The following EFCAB13 variants were observed in gnomAD, a reference collection of about 807,000 sequenced individuals.
EFCAB13 encodes EF-hand calcium binding domain 13.
EFCAB13 carries 91 observed loss-of-function variants against 110.2 expected under a neutral mutation model. The ratio of observed to expected loss-of-function variants is 0.83; its 90% CI spans 0.70 to 0.98. The LOEUF (loss-of-function observed/expected upper bound fraction) is 0.98. Among genes scored for constraint, EFCAB13 ranks in the 50% least tolerant of loss-of-function variants. The pLI, the probability that EFCAB13 is intolerant of heterozygous loss-of-function variation, is 0.00. For synonymous variants in EFCAB13, 323 were observed against 369.9 expected, an observed-to-expected ratio of 0.87 and a Z score of 1.45; for missense variants, 968 against 1,119.4, an observed-to-expected ratio of 0.86 and a Z score of 1.93.
Position 47,406,282 on chromosome 17 carries a change from T to C in EFCAB13, c.2233+1649T>C, listed in dbSNP as rs917768044. Among the ~76,000 whole-genome samples the C allele has an allele frequency of 2.0e-5, 3 of 152,166 alleles. No homozygotes were observed. In the East Asian group the frequency reaches 5.8e-4, roughly 29 times the overall value. ...GCACACCACCATGCCTGGCTAATTT[T>C]TGTATTTTTAGTAGAGACAGTGTTT... On this transcript the variant is annotated intron_variant, in intron 20 of 24. Coordinates refer to ENST00000331493, the MANE Select transcript of EFCAB13 (RefSeq NM_152347.5).
rs372478165 is a variant in EFCAB13, at chr17:47,345,096, G to A, written c.515G>A (p.Ser172Asn). ...GGATATTTACACTCAAAAGAATTAA[G>A]TGGTAATAAGAGGTTCTAAAATTTC... is the stretch of plus-strand genomic sequence containing the variant. ...THGYLHSKEL[S>N]ALHKACKIFS... is the part of the protein sequence containing the mutation. The change falls in exon 8 of 25, where the codon AGT becomes AAT. Residue 172 changes from serine to asparagine, a missense_variant and splice_region_variant. Ser to Asn is a conservative substitution (Grantham distance 46). Coordinates refer to ENST00000331493, the MANE Select transcript of EFCAB13 (RefSeq NM_152347.5). 3.8e-5 allele frequency: 61 copies of A among 1,589,354 alleles called. No individual in the cohort carries two copies. The highest frequency in any genetic ancestry group is 1.1e-4 in the African/African-American group (8 of 73,692).
Position 47,379,220 on chromosome 17 carries a change from C to T in EFCAB13, c.1549C>T (p.Leu517Phe). 2 of 1,613,448 alleles carry T rather than the reference C, an allele frequency of 1.2e-6. No homozygotes were observed. Among genetic ancestry groups the T allele is most frequent in the Non-Finnish European group, 1.7e-6 (2 of 1,179,592 alleles). ...GGAGTTAGATGACTTTGTAAATGCT[C>T]TCGCCAAGGAGCGAAGTTTTCCTGA... is the stretch of plus-strand genomic sequence containing the variant. ...MVELDDFVNA[L>F]AKERSFPECN... is the part of the protein sequence containing the mutation. The change falls in exon 14 of 25, where the codon CTC (leucine) becomes TTC (phenylalanine). Residue 517 changes from leucine (L) to phenylalanine (F), a missense_variant. Physicochemically the swap from Leu to Phe is conservative, Grantham distance 22 (BLOSUM62 0). Transcript: ENST00000331493.
intron 9 of EFCAB13, among the ~76,000 whole-genome samples, chr17:47,348,585 A>G (rs539798537): frequency 4.0e-5 from 6 of 151,872 alleles, no homozygotes; most frequent in Non-Finnish European, 5.9e-5. Context: ...CTTTTTTTGT[A>G]TGCTCTTGCT....
intron 9 of EFCAB13, among the ~76,000 whole-genome samples, chr17:47,361,051 A>G (rs72825656): frequency 0.088 from 13,369 of 152,220 alleles, 845 homozygotes; most frequent in East Asian, 0.35. Flanking sequence ...CTGACATTCA[A>G]AAGTAGATGT....
At chr17:47,423,576 T>G (rs1904804330) in intron 23 of EFCAB13, 1 of 325,598 alleles carries the variant, frequency 3.1e-6, no homozygotes, top group Non-Finnish European at 5.6e-6. Flanking sequence ...GGAACGCCTT[T>G]GTGCCCGGTC....
chr17:47,388,555 G>C (rs1207425352), intron 14 of EFCAB13, among the ~76,000 whole-genome samples: 2 of 152,048 alleles, frequency 1.3e-5, no homozygotes, highest in African/African-American at 2.4e-5. Flanking sequence ...TGGTTTCTAA[G>C]GTTAATTTAT....
Position 47,384,153 on chromosome 17 carries a change from T to TG in EFCAB13, c.1582+4900_1582+4901insG, listed in dbSNP as rs1422157189. ...TAGGATTGCAACCCCCAGTTTTTTT[T>TG]TTTTGTTTTTTTTTTTTTGCTTTCC... On this transcript the variant is annotated intron_variant, in intron 14 of 24. Transcript: ENST00000331493. Among the ~76,000 whole-genome samples, 53 of 151,430 alleles carry TG rather than the reference T, an allele frequency of 3.5e-4. 3 individuals are homozygous for TG. In the East Asian group the frequency reaches 9.8e-3, roughly 28 times the overall value.
chr17:47,345,098 G>T lies in EFCAB13; in HGVS notation c.517G>T (p.Ala173Ser). 2 of 1,578,374 alleles carry T rather than the reference G, an allele frequency of 1.3e-6. No homozygotes were observed. Among genetic ancestry groups the T allele is most frequent in the South Asian group, 1.2e-5 (1 of 84,704 alleles). The change falls in exon 8 of 25, where the codon GCA (alanine) becomes TCA (serine). Residue 173 changes from alanine (A) to serine (S), a missense_variant and splice_region_variant. By Grantham distance (99) the Ala-to-Ser change is moderately conservative (BLOSUM62 1). Transcript: ENST00000331493. ...ATATTTACACTCAAAAGAATTAAGT[G>T]GTAATAAGAGGTTCTAAAATTTCTT... is the stretch of plus-strand genomic sequence containing the variant. ...HGYLHSKELS[A>S]LHKACKIFSK...
At chr17:47,352,124 G>A (rs923875226) in intron 9 of EFCAB13, among the ~76,000 whole-genome samples, 10 of 150,980 alleles carry the variant, frequency 6.6e-5, no homozygotes, top group African/African-American at 1.2e-4. Context: ...GGATGGTCTC[G>A]ATCTCCTGAC....
In EFCAB13 at chr17:47,328,249, T is replaced by G. The variant is rs1455381728; in HGVS notation, c.-85-20T>G. 1.0e-6 allele frequency: 1 copy of G among 994,332 alleles called. No individual in the cohort carries two copies. The highest frequency in any genetic ancestry group is 1.4e-5 in the South Asian group (1 of 73,930). 61.6% of individuals were successfully genotyped at this position (994,332 alleles called of 1,614,324 possible). On this transcript the variant is annotated intron_variant, in intron 3 of 24. Coordinates refer to ENST00000331493, the MANE Select transcript of EFCAB13 (RefSeq NM_152347.5). ...TGTTCTAAACAAGCGTATGATTTCT[T>G]CTTTCTCTTTTTTTGGCAGGAAATC... is the stretch of plus-strand genomic sequence containing the variant.
At chr17:47,440,310 T>C in intron 24 of EFCAB13, 121 bp from the exon 25 acceptor site, 3 of 968,130 alleles carry the variant, frequency 3.1e-6, no homozygotes, top group South Asian at 2.2e-5. Flanking sequence ...GGAGAAGAAA[T>C]AGCCCAGCCT....
At chr17:47,338,794 A>G (rs1272870460) in intron 5 of EFCAB13, among the ~76,000 whole-genome samples, 1 of 152,108 alleles carries the variant, frequency 6.6e-6, no homozygotes, top group African/African-American at 2.4e-5. Context: ...GGAAGTGAAG[A>G]GCAAAGTATG....
At chr17:47,406,842 C>T (rs1203805178) in intron 20 of EFCAB13, among the ~76,000 whole-genome samples, 1 of 152,214 alleles carries the variant, frequency 6.6e-6, no homozygotes, top group Non-Finnish European at 1.5e-5. Context: ...TCTCTCTAGA[C>T]TCAAATATCC....
At chr17:47,385,788 A>G (rs191403681) in intron 14 of EFCAB13, among the ~76,000 whole-genome samples, 2 of 152,098 alleles carry the variant, frequency 1.3e-5, no homozygotes, top group Non-Finnish European at 2.9e-5. Flanking sequence ...GGATTTACCT[A>G]CCTTTGATCT....
intron 24 of EFCAB13, among the ~76,000 whole-genome samples, chr17:47,439,166 G>GTTTTGTT (rs1905265985): frequency 1.2e-4 from 8 of 66,078 alleles, no homozygotes; most frequent in South Asian, 4.5e-4. Flanking sequence ...TTTCCTCTTT[G>GTTTTGTT]TTTTGTTTTT....
At chr17:47,397,932 C>T (rs2065752220) in intron 17 of EFCAB13, among the ~76,000 whole-genome samples, 1 of 151,244 alleles carries the variant, frequency 6.6e-6, no homozygotes, top group African/African-American at 2.4e-5. Flanking sequence ...GGGTCAGCCC[C>T]CGCTAGGCCA....
chr17:47,434,762 C>T (rs183455840), intron 24 of EFCAB13, among the ~76,000 whole-genome samples: 1 of 152,116 alleles, frequency 6.6e-6, no homozygotes, highest in East Asian at 1.9e-4. Context: ...TGATCTTCGA[C>T]AAAACAAACA....
At chr17:47,386,639 A>T (rs986926757) in intron 14 of EFCAB13, among the ~76,000 whole-genome samples, 1 of 152,040 alleles carries the variant, frequency 6.6e-6, no homozygotes, top group East Asian at 1.9e-4. Context: ...CAGGGGAGTG[A>T]ACAGCTCTGT....
chr17:47,398,574 T>A (rs1376299694), intron 17 of EFCAB13, among the ~76,000 whole-genome samples: 1 of 151,796 alleles, frequency 6.6e-6, no homozygotes, highest in African/African-American at 2.4e-5. Context: ...GCTCTCTGAA[T>A]CATGTGCTGT....
Sources: gnomAD v4.1 joint callset for allele counts (sites outside exome capture counted in the v4.1 genomes callset) on GRCh38, gnomAD v4.1.1 for gene constraint, MANE v1.5 for transcripts, NCBI Gene and HGNC (gene_info 2026-07-23, HGNC 2026-07-21) for gene names.